SHROOM3: variants seen among roughly 807,000 people sequenced by gnomAD.
SHROOM3 encodes the protein shroom family member 3.
A neutral mutation model predicts 138.6 loss-of-function variants in SHROOM3; 47 were observed. The observed-to-expected ratio is 0.34, with a 90% confidence interval of 0.27 to 0.43. SHROOM3 has a LOEUF of 0.43. Among genes scored for constraint, SHROOM3 ranks in the 20% least tolerant of loss-of-function variants. The probability of loss-of-function intolerance (pLI) is 1.00; values close to 1 mark genes in which losing one functional copy is unlikely to be tolerated. For missense variants in SHROOM3, 2,491 were observed against 2,596.5 expected, an observed-to-expected ratio of 0.96 and a Z score of 0.88; for synonymous variants, 1,062 against 1,063.3, an observed-to-expected ratio of 1.00 and a Z score of 0.02.
intron 2 of SHROOM3, among the ~76,000 whole-genome samples, chr4:76,680,171 C>T (rs1248952772): frequency 6.8e-6 from 1 of 146,758 alleles, no homozygotes; most frequent in South Asian, 2.2e-4. Flanking sequence ...GACGGAGTCT[C>T]GCTCTGTTGC....
At chr4:76,645,653 C>T (rs1375436207) in intron 2 of SHROOM3, 1 of 152,156 alleles carries the variant, frequency 6.6e-6, no homozygotes, top group East Asian at 1.9e-4. Context: ...TAATATACTG[C>T]CTCTTTTAAT....
intron 6 of SHROOM3, among the ~76,000 whole-genome samples, chr4:76,754,084 C>T (rs1721721147): frequency 6.6e-6 from 1 of 152,132 alleles, no homozygotes; most frequent in African/African-American, 2.4e-5. Context: ...CCTTGTGAAC[C>T]CAGTCATTCC....
intron 2 of SHROOM3, among the ~76,000 whole-genome samples, chr4:76,590,096 T>C (rs1451301003): frequency 3.3e-5 from 5 of 152,150 alleles, no homozygotes; most frequent in African/African-American, 1.2e-4. Context: ...AGGCCAAAAA[T>C]ATGCTGGTTC....
intron 1 of SHROOM3, among the ~76,000 whole-genome samples, chr4:76,480,370 C>A (rs922991881): frequency 7.2e-5 from 11 of 152,038 alleles, no homozygotes; most frequent in African/African-American, 2.7e-4. Flanking sequence ...GACTTCAAAC[C>A]AACAAAGATC....
chr4:76,559,156 C>G (rs1202666728), intron 2 of SHROOM3: 1 of 152,314 alleles, frequency 6.6e-6, no homozygotes, highest in African/African-American at 2.4e-5. Flanking sequence ...CTTATCTCAT[C>G]TATTATGTGT....
chr4:76,726,690 A>C (rs344132), intron 3 of SHROOM3, among the ~76,000 whole-genome samples: 80,809 of 151,434 alleles, frequency 0.53, 22,299 homozygotes, highest in Middle Eastern at 0.62. Context: ...CTACAGGTGG[A>C]TGCCACCACA....
chr4:76,629,490 C>T (rs1459652336), intron 2 of SHROOM3, among the ~76,000 whole-genome samples: 1 of 152,116 alleles, frequency 6.6e-6, no homozygotes, highest in Non-Finnish European at 1.5e-5. Flanking sequence ...CATACTTTGG[C>T]TTATATTTTA....
At chr4:76,767,740 T>C (rs910441326) in intron 9 of SHROOM3, among the ~76,000 whole-genome samples, 1 of 152,056 alleles carries the variant, frequency 6.6e-6, no homozygotes, top group African/African-American at 2.4e-5. Context: ...TTAAATACAA[T>C]GAGGCCACAT....
At chr4:76,561,072 G>C (rs959062754) in intron 2 of SHROOM3, among the ~76,000 whole-genome samples, 11 of 152,162 alleles carry the variant, frequency 7.2e-5, no homozygotes, top group African/African-American at 2.7e-4. Context: ...GAAGACTTTG[G>C]TGGGGAAATT....
intron 3 of SHROOM3, among the ~76,000 whole-genome samples, chr4:76,714,475 A>G (rs1338458856): frequency 6.6e-6 from 1 of 152,206 alleles, no homozygotes; most frequent in African/African-American, 2.4e-5. Context: ...TCTGTCTCAT[A>G]TAAGGGTTAC....
At chr4:76,605,843 C>T (rs1474744587) in intron 2 of SHROOM3, among the ~76,000 whole-genome samples, 1 of 150,478 alleles carries the variant, frequency 6.6e-6, no homozygotes, top group Non-Finnish European at 1.5e-5. Flanking sequence ...CAATTTCTTT[C>T]TATAACACCT....
chr4:76,742,152 CTCTATCTA>C (rs3830364), intron 5 of SHROOM3: 15 of 626,898 alleles, frequency 2.4e-5, no homozygotes, highest in South Asian at 1.1e-4. Context: ...TATACAGATT[CTCTATCTA>C]TCTGTCTACC....
intron 2 of SHROOM3, among the ~76,000 whole-genome samples, chr4:76,697,435 G>A (rs1719773150): frequency 6.6e-6 from 1 of 152,142 alleles, no homozygotes; most frequent in African/African-American, 2.4e-5. Context: ...AATACTGGAA[G>A]AATTGTTATG....
At chr4:76,598,151 CGA>C (rs1165838956) in intron 2 of SHROOM3, among the ~76,000 whole-genome samples, 2 of 152,000 alleles carry the variant, frequency 1.3e-5, no homozygotes, top group Non-Finnish European at 2.9e-5. Context: ...CTTAGCCTAC[CGA>C]GTAGCTGGGA....
intron 1 of SHROOM3, among the ~76,000 whole-genome samples, chr4:76,530,381 C>T (rs1732805801): frequency 6.6e-6 from 1 of 152,116 alleles, no homozygotes; most frequent in Admixed American, 6.5e-5. Context: ...AAGTTTAGAG[C>T]TTGTAGAACA....
At chr4:76,462,597 C>T (rs1731161917) in intron 1 of SHROOM3, among the ~76,000 whole-genome samples, 1 of 152,074 alleles carries the variant, frequency 6.6e-6, no homozygotes, top group African/African-American at 2.4e-5. Context: ...TTTCCCCTTG[C>T]TGTTCTCATG....
At chr4:76,679,494 C>T (rs1259328881) in intron 2 of SHROOM3, among the ~76,000 whole-genome samples, 2 of 152,126 alleles carry the variant, frequency 1.3e-5, no homozygotes, top group Non-Finnish European at 2.9e-5. Flanking sequence ...TCTATGCTTC[C>T]CCTTCCTCAT....
At chr4:76,584,270 A>G (rs921217312) in intron 2 of SHROOM3, among the ~76,000 whole-genome samples, 1 of 152,052 alleles carries the variant, frequency 6.6e-6, no homozygotes, top group Admixed American at 6.6e-5. Flanking sequence ...GTGAGCTGAG[A>G]TTGCACCACT....
chr4:76,735,859 AAAAAAAAAAATATATATATATAT>A (rs1207505115), intron 4 of SHROOM3, among the ~76,000 whole-genome samples: 2 of 25,462 alleles, frequency 7.9e-5, no homozygotes, highest in African/African-American at 2.5e-4. Flanking sequence ...AAAAAAAAAA[AAAAAAAAAAATATATATATATAT>A]ATATATATAT....
Sources: allele counts gnomAD v4.1 joint callset (sites outside exome capture counted in the v4.1 genomes callset), GRCh38; gene constraint gnomAD v4.1.1; transcripts MANE v1.5; gene names NCBI Gene and HGNC (gene_info 2026-07-23, HGNC 2026-07-21).